COL26A1: variants seen among roughly 807,000 people sequenced by gnomAD.
The protein encoded by COL26A1 is collagen type XXVI alpha 1 chain.
COL26A1 carries 41 observed loss-of-function variants against 59.3 expected under a neutral mutation model. The observed-to-expected ratio is 0.69, with a 90% CI of 0.54 to 0.90. The LOEUF (loss-of-function observed/expected upper bound fraction) is 0.90, where lower values mean the gene tolerates loss of function less well. Among genes scored for constraint, COL26A1 ranks in the 40% least tolerant of loss-of-function variants. The pLI, the probability that COL26A1 is intolerant of heterozygous loss-of-function variation, is 0.00. For missense variants in COL26A1, 612 were observed against 602.3 expected (o/e 1.02, Z -0.17); for synonymous variants, 266 against 256.0 (o/e 1.04, Z -0.37).
In COL26A1 at chr7:101,510,027, C is replaced by CTTTTTTTTTT. The variant is rs3073374; in HGVS notation, c.386-23050_386-23041dup. On this transcript the variant is annotated intron_variant, in intron 3 of 12. Coordinates refer to ENST00000313669, the MANE Select transcript of COL26A1 (RefSeq NM_001278563.3). ...ATAGGCATAAGCCATCGCGCCCAGT[C>CTTTTTTTTTT]TTTTTTTTTTTTTTAAGAGGGTCTC... 3.8e-4 allele frequency among the ~76,000 whole-genome samples: 46 copies of CTTTTTTTTTT among 122,298 alleles called. 3 individuals are homozygous for CTTTTTTTTTT. Among genetic ancestry groups the CTTTTTTTTTT allele is most frequent in the African/African-American group, 1.8e-3 (45 of 24,656 alleles). The allele number at this position is 122,298 out of a possible 152,430, so 80.2% of individuals were successfully genotyped here. A position where few individuals can be genotyped will look rare whatever the true frequency, so the allele number is the denominator to read the frequency against.
At chr7:101,542,376 CAGG>C (rs1424232126) in intron 5 of COL26A1, among the ~76,000 whole-genome samples, 1 of 152,176 alleles carries the variant, frequency 6.6e-6, no homozygotes, top group Non-Finnish European at 1.5e-5. Context: ...TGTGGAATTA[CAGG>C]TGTGAGCTAG....
At chr7:101,492,996 G>C (rs545224603) in intron 3 of COL26A1, among the ~76,000 whole-genome samples, 2 of 152,256 alleles carry the variant, frequency 1.3e-5, no homozygotes, top group Non-Finnish European at 2.9e-5. Context: ...GGAGTGCTGG[G>C]ATTAGAAGTG....
intron 3 of COL26A1, among the ~76,000 whole-genome samples, 170 bp downstream of exon 3, chr7:101,447,957 A>G (rs1341699477): frequency 6.6e-6 from 1 of 152,204 alleles, no homozygotes; most frequent in Non-Finnish European, 1.5e-5. Context: ...TGGCCAAACC[A>G]GGATGAAGCT....
chr7:101,466,615 CG>C (rs1793763405), intron 3 of COL26A1, among the ~76,000 whole-genome samples: 1 of 151,970 alleles, frequency 6.6e-6, no homozygotes, highest in African/African-American at 2.4e-5. Flanking sequence ...GCTTGAGCCT[CG>C]GAGGTTGAGG....
At chr7:101,438,119 T>G (rs941139712) in intron 2 of COL26A1, among the ~76,000 whole-genome samples, 8 of 151,476 alleles carry the variant, frequency 5.3e-5, no homozygotes, top group African/African-American at 1.9e-4. Context: ...CCTAACAGTC[T>G]GGGAAGCCGA....
chr7:101,362,494 C>T (rs1189044623), upstream of COL26A1, among the ~76,000 whole-genome samples: 1 of 151,066 alleles, frequency 6.6e-6, no homozygotes, highest in African/African-American at 2.5e-5. Context: ...TCGGAAGACT[C>T]GCATTTGTCT....
At chr7:101,443,184 C>T (rs1430792807) in intron 2 of COL26A1, among the ~76,000 whole-genome samples, 1 of 152,146 alleles carries the variant, frequency 6.6e-6, no homozygotes, top group South Asian at 2.1e-4. Flanking sequence ...TTCCAACCCC[C>T]CATCCTGCAC....
At chr7:101,423,795 C>T (rs1792580944) in intron 2 of COL26A1, among the ~76,000 whole-genome samples, 1 of 152,050 alleles carries the variant, frequency 6.6e-6, no homozygotes, top group African/African-American at 2.4e-5. Context: ...GGGAGTTCTT[C>T]TCACTCACTC....
chr7:101,382,577 A>G (rs574971429), intron 1 of COL26A1, among the ~76,000 whole-genome samples: 93 of 152,302 alleles, frequency 6.1e-4, no homozygotes, highest in African/African-American at 2.0e-3. Flanking sequence ...TATCTTTATC[A>G]TATATTTTGT....
At chr7:101,441,082 A>G (rs978158405) in intron 2 of COL26A1, among the ~76,000 whole-genome samples, 13 of 152,144 alleles carry the variant, frequency 8.5e-5, no homozygotes, top group Non-Finnish European at 1.8e-4. Flanking sequence ...CTGTGTGTAG[A>G]TGAGAGGGAA....
intron 2 of COL26A1, among the ~76,000 whole-genome samples, chr7:101,428,922 C>A (rs1216047401): frequency 2.1e-5 from 3 of 144,390 alleles, no homozygotes; most frequent in East Asian, 3.9e-4. Flanking sequence ...CTTTTTCTTT[C>A]TTTCTTTTTT....
chr7:101,366,379 C>A (rs570567157), intron 1 of COL26A1, among the ~76,000 whole-genome samples: 1 of 150,380 alleles, frequency 6.6e-6, no homozygotes, highest in Non-Finnish European at 1.5e-5. Flanking sequence ...GTGTGTTTAC[C>A]GGGGCTTGGC....
chr7:101,394,611 T>G lies in COL26A1; in HGVS notation c.159-25366T>G, dbSNP rs557696881. Among the ~76,000 whole-genome samples the G allele has an allele frequency of 3.7e-5, 5 of 133,444 alleles. No homozygotes were observed. In the South Asian group the frequency reaches 1.2e-3, roughly 32 times the overall value. The allele number at this position is 133,444 out of a possible 152,430, so 87.5% of individuals were successfully genotyped here. On this transcript the variant is annotated intron_variant, in intron 1 of 12. Coordinates refer to ENST00000313669, the MANE Select transcript of COL26A1 (RefSeq NM_001278563.3). ...TTTTTTTTTTTTTTTTTTGTAGAGATGGGGTCTCGCTATGTTGCTCAGGCT... is the reference window on the plus strand; with the variant it reads ...TTTTTTTTTTTTTTTTTTGTAGAGAGGGGGTCTCGCTATGTTGCTCAGGCT...
At chr7:101,520,982 G>C (rs1795131688) in intron 3 of COL26A1, among the ~76,000 whole-genome samples, 1 of 152,152 alleles carries the variant, frequency 6.6e-6, no homozygotes, top group Non-Finnish European at 1.5e-5. Flanking sequence ...CTGCTATAAA[G>C]ATACTACCTC....
At chr7:101,546,142 C>G (rs1795730950) in intron 7 of COL26A1, among the ~76,000 whole-genome samples, 1 of 152,160 alleles carries the variant, frequency 6.6e-6, no homozygotes, top group East Asian at 1.9e-4. Context: ...GACTCTGGGC[C>G]TAAGGGACCA....
At chr7:101,446,113 T>C (rs1437635617) in intron 2 of COL26A1, among the ~76,000 whole-genome samples, 1 of 148,998 alleles carries the variant, frequency 6.7e-6, no homozygotes, top group African/African-American at 2.5e-5. Flanking sequence ...AATAACCAGA[T>C]GTCACGTGAA....
chr7:101,403,509 ACT>A (rs1191769764), intron 1 of COL26A1, among the ~76,000 whole-genome samples: 8 of 151,326 alleles, frequency 5.3e-5, no homozygotes, highest in Non-Finnish European at 7.4e-5. Context: ...ACAGAGTGAG[ACT>A]CTGCTTCAAC....
intron 3 of COL26A1, among the ~76,000 whole-genome samples, chr7:101,518,439 G>A (rs149098613): frequency 4.9e-4 from 74 of 152,266 alleles, no homozygotes; most frequent in Non-Finnish European, 7.9e-4. Context: ...GCACCATTAA[G>A]ACAAATTCTT....
intron 3 of COL26A1, among the ~76,000 whole-genome samples, chr7:101,520,762 ACTCT>A (rs1795128009): frequency 6.6e-6 from 1 of 151,102 alleles, no homozygotes; most frequent in African/African-American, 2.4e-5. Flanking sequence ...CAGGGCCCTG[ACTCT>A]CTCTATAAGC....
Sources: allele counts gnomAD v4.1 joint callset (sites outside exome capture counted in the v4.1 genomes callset), GRCh38; gene constraint gnomAD v4.1.1; transcripts MANE v1.5; gene names NCBI Gene and HGNC (gene_info 2026-07-23, HGNC 2026-07-21).